Variants in PSD3 observed in about 807,000 individuals in gnomAD.
PSD3 encodes PH and SEC7 domain-containing protein 3.
Under a neutral mutation model 105.5 loss-of-function variants are expected in PSD3, and 49 were observed. The ratio of observed to expected loss-of-function variants is 0.46; its 90% CI spans 0.37 to 0.59. The LOEUF (loss-of-function observed/expected upper bound fraction) is 0.59, where lower values mean the gene tolerates loss of function less well. PSD3 is among the 20% of genes least tolerant of loss of function. The pLI is 0.00. For synonymous variants in PSD3, 557 were observed against 457.8 expected (o/e 1.22, Z -2.77); for missense variants, 1,561 against 1,263.8 (o/e 1.24, Z -3.57).
At chr8:18,594,698 C>G (rs1803959876) in intron 12 of PSD3, among the ~76,000 whole-genome samples, 1 of 151,488 alleles carries the variant, frequency 6.6e-6, no homozygotes, top group African/African-American at 2.4e-5. Context: ...TCCATGGATG[C>G]TCAAGTCACT....
At chr8:18,563,102 GCA>G (rs1425962571) in intron 14 of PSD3, among the ~76,000 whole-genome samples, 3 of 151,938 alleles carry the variant, frequency 2.0e-5, no homozygotes, top group Non-Finnish European at 2.9e-5. Context: ...TCTTAAAAAG[GCA>G]AAAAAGGTCA....
intron 2 of PSD3, among the ~76,000 whole-genome samples, chr8:18,889,143 G>A (rs548143291): frequency 2.0e-5 from 3 of 152,266 alleles, no homozygotes; most frequent in Non-Finnish European, 2.9e-5. Context: ...AAAACGTAAA[G>A]CTCAGAAATA....
chr8:18,537,527 T>C (rs769044425), intron 15 of PSD3, among the ~76,000 whole-genome samples: 2 of 152,350 alleles, frequency 1.3e-5, no homozygotes, highest in South Asian at 2.1e-4. Flanking sequence ...AGATACTTAC[T>C]TTCCCAGTCT....
intron 14 of PSD3, among the ~76,000 whole-genome samples, chr8:18,556,732 C>G (rs1397569352): frequency 6.6e-6 from 1 of 152,212 alleles, no homozygotes; most frequent in Non-Finnish European, 1.5e-5. Flanking sequence ...CCATTTCATG[C>G]CCACTCAGCA....
At chr8:18,644,084 G>A (rs1228319654) in intron 10 of PSD3, among the ~76,000 whole-genome samples, 1 of 152,212 alleles carries the variant, frequency 6.6e-6, no homozygotes, top group African/African-American at 2.4e-5. Flanking sequence ...GTGATGGAAT[G>A]GGCAGCCTCA....
At chr8:18,750,883 G>C (rs1805426856) in intron 9 of PSD3, among the ~76,000 whole-genome samples, 1 of 152,106 alleles carries the variant, frequency 6.6e-6, no homozygotes, top group South Asian at 2.1e-4. Flanking sequence ...CAAACCTTGA[G>C]CTAGATACAG....
chr8:18,906,791 A>C (rs1390087211), intron 2 of PSD3, among the ~76,000 whole-genome samples: 2 of 152,224 alleles, frequency 1.3e-5, no homozygotes, highest in Non-Finnish European at 2.9e-5. Context: ...CATTTCAGTC[A>C]ATGACTAACT....
intron 2 of PSD3, among the ~76,000 whole-genome samples, chr8:18,882,551 G>A (rs986376269): frequency 6.6e-6 from 1 of 152,114 alleles, no homozygotes; most frequent in Non-Finnish European, 1.5e-5. Context: ...TCAGGCAGTG[G>A]TAAATTTCAG....
intron 8 of PSD3, 88 bp from the exon 9 acceptor site, chr8:18,765,626 G>C: frequency 3.4e-6 from 4 of 1,192,134 alleles, no homozygotes; most frequent in Non-Finnish European, 5.0e-6. Flanking sequence ...CCAATAATTT[G>C]TTTCTAAAAA....
intron 9 of PSD3, among the ~76,000 whole-genome samples, chr8:18,752,987 C>T (rs1053791489): frequency 4.0e-5 from 6 of 151,840 alleles, no homozygotes; most frequent in Non-Finnish European, 8.8e-5. Flanking sequence ...TTACAAATGG[C>T]AGTGGTTTCC....
intron 2 of PSD3, 45 bp downstream of exon 2, chr8:18,935,989 T>C: frequency 2.4e-6 from 3 of 1,255,042 alleles, no homozygotes; most frequent in South Asian, 2.5e-5. Flanking sequence ...AAATCACAGC[T>C]CTTCATATAG....
intron 9 of PSD3, among the ~76,000 whole-genome samples, chr8:18,755,267 T>G (rs1805922924): frequency 6.6e-6 from 1 of 151,922 alleles, no homozygotes; most frequent in Non-Finnish European, 1.5e-5. Context: ...CTGTCCCTAC[T>G]AAAAATACAA....
intron 1 of PSD3, among the ~76,000 whole-genome samples, chr8:18,980,253 A>C (rs1335183999): frequency 6.6e-6 from 1 of 152,188 alleles, no homozygotes; most frequent in East Asian, 1.9e-4. Flanking sequence ...AGACAGTGCT[A>C]ATCTCCCAGG....
At chr8:18,557,615 G>C (rs948243054) in intron 14 of PSD3, 2 of 153,162 alleles carry the variant, frequency 1.3e-5, no homozygotes, top group African/African-American at 4.8e-5. Context: ...TGAACACGTG[G>C]AGTGATCTAA....
At chr8:18,968,511 T>C (rs139860874) in intron 1 of PSD3, among the ~76,000 whole-genome samples, 79 of 152,290 alleles carry the variant, frequency 5.2e-4, no homozygotes, top group Non-Finnish European at 1.0e-3. Flanking sequence ...CGCTTCTTTA[T>C]AGACATCTCA....
chr8:19,078,180 G>T (rs4921991), intron 1 of PSD3, among the ~76,000 whole-genome samples: 1 of 151,784 alleles, frequency 6.6e-6, no homozygotes, highest in Non-Finnish European at 1.5e-5. Context: ...ACAGGCATGA[G>T]TCACCGAGCC....
chr8:18,789,339 C>G (rs1275418012), intron 8 of PSD3, among the ~76,000 whole-genome samples: 1 of 152,114 alleles, frequency 6.6e-6, no homozygotes, highest in Non-Finnish European at 1.5e-5. Context: ...GAGAATCTAG[C>G]CATCTTTTAC....
Position 19,013,591 on chromosome 8 carries a change from C to A in PSD3, c.-8G>T, listed in dbSNP as rs1362173055. On this transcript the variant is annotated 5_prime_UTR_variant, in exon 1 of 16. Coordinates refer to ENST00000327040, the MANE Select transcript of PSD3 (RefSeq NM_015310.4). Reference sequence around the variant, plus strand: ...TGCGCTCCTTCCTTCCATCTTCCATCGCCAGCCCGGCCGCGCGCCGAAACC... The same window carrying A: ...TGCGCTCCTTCCTTCCATCTTCCATAGCCAGCCCGGCCGCGCGCCGAAACC... 2 of 1,495,442 alleles carry A rather than the reference C, an allele frequency of 1.3e-6. No homozygotes were observed. Among genetic ancestry groups the A allele is most frequent in the Admixed American group, 4.5e-5 (2 of 44,794 alleles). The allele number at this position is 1,495,442 out of a possible 1,614,324, so 92.6% of individuals were successfully genotyped here.
At chr8:18,595,440 G>C (rs1485762566) in intron 12 of PSD3, among the ~76,000 whole-genome samples, 5 of 9,834 alleles carry the variant, frequency 5.1e-4, no homozygotes, top group Non-Finnish European at 2.7e-3. Flanking sequence ...TGAATGTATT[G>C]AGAGAGAGAG....
Sources: gnomAD v4.1 joint callset for allele counts (sites outside exome capture counted in the v4.1 genomes callset) on GRCh38, gnomAD v4.1.1 for gene constraint, MANE v1.5 for transcripts, NCBI Gene and HGNC (gene_info 2026-07-23, HGNC 2026-07-21) for gene names.